Variants in TRIM50 observed in about 807,000 individuals in gnomAD.
TRIM50 encodes the protein tripartite motif containing 50, also known as E3 ubiquitin-protein ligase TRIM50.
TRIM50 carries 34 observed loss-of-function variants against 44.9 expected under a neutral mutation model. The ratio of observed to expected loss-of-function variants is 0.76; its 90% confidence interval spans 0.58 to 1.01. The LOEUF (loss-of-function observed/expected upper bound fraction) is 1.01, where lower values mean the gene tolerates loss of function less well. Ranked by LOEUF, TRIM50 falls within the 50% of genes least tolerant of loss-of-function variation. TRIM50 has a pLI of 0.00. For missense variants in TRIM50, 633 were observed against 663.7 expected (o/e 0.95, Z 0.51); for synonymous variants, 307 against 291.1 (o/e 1.05, Z -0.56).
chr7:73,317,111 T>TCATGCATGCCATGACCA (rs1236996437), intron 5 of TRIM50, among the ~76,000 whole-genome samples: 1 of 151,972 alleles, frequency 6.6e-6, no homozygotes, highest in African/African-American at 2.4e-5. Flanking sequence ...TGGAGTGCAG[T>TCATGCATGCCATGACCA]GGCATGATTT....
rs1804570771 is a variant in TRIM50, at chr7:73,324,486, T to C, written c.302A>G (p.Glu101Gly). 25 of 1,613,654 alleles carry C rather than the reference T, an allele frequency of 1.5e-5. No homozygotes were observed. The highest frequency in any genetic ancestry group is 2.1e-5 in the Non-Finnish European group (25 of 1,180,004). The change falls in exon 2 of 7, where the codon GAG becomes GGG. Residue 101 changes from glutamate to glycine, a missense_variant. Coordinates refer to ENST00000333149, the MANE Select transcript of TRIM50 (RefSeq NM_178125.3). ...HHRNPLSLFC[E>G]KDQELICGLC... ...GCCACAGATGAGCTCCTGGTCCTTC[T>C]CGCAGAAAAGGCTGAGCGGGTTCCG...
At chr7:73,326,759 C>T (rs1438910532) in intron 1 of TRIM50, among the ~76,000 whole-genome samples, 10 of 151,824 alleles carry the variant, frequency 6.6e-5, no homozygotes, top group African/African-American at 1.2e-4. Flanking sequence ...AGTCTTTCAA[C>T]GTTTAGAAAT....
In TRIM50 at chr7:73,313,066, T is replaced by C; in HGVS notation, c.1319A>G (p.Tyr440Cys). The change falls in exon 7 of 7, where the codon TAC becomes TGC. Residue 440 changes from tyrosine (Y) to cysteine (C), a missense_variant. Coordinates refer to ENST00000333149, the MANE Select transcript of TRIM50 (RefSeq NM_178125.3). This position sits in a 1 kb window ranked among gnomAD's most constrained non-coding sequence, Gnocchi z 4.9. ...GCCCTGGAAGTCGGCCTGGAAGGTG[T>C]AGAGCGGCCGCAGGTCATCGGGGCG... ...ADRPDDLRPL[Y>C]TFQADFQGKL... is the part of the protein sequence containing the mutation. 1 of 1,586,406 alleles carries C rather than the reference T, an allele frequency of 6.3e-7. No individual in the cohort carries two copies. Among genetic ancestry groups the C allele is most frequent in the Non-Finnish European group, 8.6e-7 (1 of 1,166,816 alleles).
Position 73,313,167 on chromosome 7 carries a change from G to T in TRIM50, c.1218C>A (p.Pro406=). The change falls in exon 7 of 7, where the codon CCC becomes CCA. Residue 406 remains proline (P), a synonymous_variant. Coordinates refer to ENST00000333149, the MANE Select transcript of TRIM50 (RefSeq NM_178125.3). This position sits in a 1 kb window ranked among gnomAD's most constrained non-coding sequence, Gnocchi z 4.9. The stretch of plus-strand genomic sequence containing the variant: ...CGATGCGGTGGGGGTGGCCGGCCAC[G>T]GGCAGGGGTACCCGGGGGCAGGCAA... ...EAFACPRVPL[P]VAGHPHRIGL... 1 of 1,588,610 alleles carries T rather than the reference G, an allele frequency of 6.3e-7. No individual in the cohort carries two copies. The highest frequency in any genetic ancestry group is 8.6e-7 in the Non-Finnish European group (1 of 1,167,894).
At chr7:73,319,191 G>A (rs374846598) in intron 3 of TRIM50, 139 bp from the exon 4 acceptor site, 226 of 1,431,310 alleles carry the variant, frequency 1.6e-4, no homozygotes, top group South Asian at 3.7e-4. Flanking sequence ...ATGGCCTGGC[G>A]CCGGGCAGGG....
At chr7:73,315,501 A>G (rs1315352617) in intron 6 of TRIM50, among the ~76,000 whole-genome samples, 3 of 152,076 alleles carry the variant, frequency 2.0e-5, no homozygotes, top group Non-Finnish European at 4.4e-5. Flanking sequence ...CTGGGCCCAC[A>G]GGCACATAAC....
chr7:73,313,370 G>C lies in TRIM50; in HGVS notation c.1015C>G (p.Leu339Val). ...PERFDYSTCV[L>V]ASRGFSCGRH... Reference sequence around the variant, plus strand: ...CCGCAGGAGAAGCCGCGGCTGGCCAGGACGCAGGTGCTGTAGTCGAAGCGC... The same window carrying C: ...CCGCAGGAGAAGCCGCGGCTGGCCACGACGCAGGTGCTGTAGTCGAAGCGC... The change falls in exon 7 of 7, where the codon CTG becomes GTG. Residue 339 changes from leucine (L) to valine (V), a missense_variant. By Grantham distance (32) the Leu-to-Val change is conservative (BLOSUM62 1). Transcript: ENST00000333149. The surrounding 1 kb of genome is among the most constrained non-coding windows in gnomAD (Gnocchi z 4.9). The C allele has an allele frequency of 1.3e-6, 2 of 1,595,426 alleles. No homozygotes were observed. Among genetic ancestry groups the C allele is most frequent in the Non-Finnish European group, 1.7e-6 (2 of 1,172,616 alleles).
In TRIM50 at chr7:73,316,325, C is replaced by T. The variant is rs544727500; in HGVS notation, c.874+240G>A. ...CTGGCCGGGTGGGTGCAAATAGCCCCACTTTACAGATGAGGAACCTGGGCT... is the reference window on the plus strand; with the variant it reads ...CTGGCCGGGTGGGTGCAAATAGCCCTACTTTACAGATGAGGAACCTGGGCT... On this transcript the variant is annotated intron_variant, in intron 6 of 6. Transcript: ENST00000333149. 2.0e-5 allele frequency among the ~76,000 whole-genome samples: 3 copies of T among 152,330 alleles called. No individual in the cohort carries two copies. In the South Asian group the frequency reaches 6.2e-4, roughly 32 times the overall value.
At chr7:73,325,237 G>A (rs1554545849) in intron 1 of TRIM50, among the ~76,000 whole-genome samples, 1 of 152,138 alleles carries the variant, frequency 6.6e-6, no homozygotes, top group African/African-American at 2.4e-5. Flanking sequence ...ACTGTTGAAA[G>A]CATAGGTGTA....
At chr7:73,324,826 C>G in intron 1 of TRIM50, 21 bp from the exon 2 acceptor site, 1 of 1,612,148 alleles carries the variant, frequency 6.2e-7, no homozygotes, top group Admixed American at 1.7e-5. Flanking sequence ...GGCATCCGAC[C>G]TCAGTCCTGT....
At position 73,324,506 on chromosome 7, in the gene TRIM50, G is replaced by A. The variant is rs782783549; in HGVS notation, c.282C>T (p.Asn94=). 49 of 1,613,824 alleles carry A rather than the reference G, an allele frequency of 3.0e-5. No individual in the cohort carries two copies. Among genetic ancestry groups the A allele is most frequent in the Non-Finnish European group, 3.7e-5 (44 of 1,180,036 alleles). The part of the protein sequence containing the change: ...PEPKVCVHHR[N]PLSLFCEKDQ... The stretch of plus-strand genomic sequence containing the variant: ...CCTTCTCGCAGAAAAGGCTGAGCGG[G>A]TTCCGGTGGTGCACGCAGACCTTGG... The change falls in exon 2 of 7, where the codon AAC becomes AAT. Residue 94 remains asparagine (N), a synonymous_variant. Transcript: ENST00000333149.
intron 6 of TRIM50, among the ~76,000 whole-genome samples, chr7:73,316,278 G>A (rs1285962011): frequency 6.6e-6 from 1 of 152,218 alleles, no homozygotes; most frequent in Non-Finnish European, 1.5e-5. Context: ...ACACACGTAT[G>A]TCTATATACA....
In TRIM50 at chr7:73,313,336, T is replaced by G; in HGVS notation, c.1049A>C (p.Tyr350Ser). 1 of 1,605,534 alleles carries G rather than the reference T, an allele frequency of 6.2e-7. No individual in the cohort carries two copies. The highest frequency in any genetic ancestry group is 8.5e-7 in the Non-Finnish European group (1 of 1,177,010). Residue 350 changes from tyrosine to serine, a missense_variant, in exon 7 of 7, where the codon TAC becomes TCC. Transcript: ENST00000333149. This position sits in a 1 kb window ranked among gnomAD's most constrained non-coding sequence, Gnocchi z 4.9. ...CTTGCTGCCCACCACCACCTCCCAGTAGTGGCGGCCGCAGGAGAAGCCGCG... is the reference window on the plus strand; with the variant it reads ...CTTGCTGCCCACCACCACCTCCCAGGAGTGGCGGCCGCAGGAGAAGCCGCG... ...ASRGFSCGRH[Y>S]WEVVVGSKSD...
At chr7:73,316,404 G>C (rs1804358995) in intron 6 of TRIM50, among the ~76,000 whole-genome samples, 161 bp downstream of exon 6, 1 of 152,012 alleles carries the variant, frequency 6.6e-6, no homozygotes, top group Non-Finnish European at 1.5e-5. Context: ...GAGTAAGCAG[G>C]AACCCAAGCT....
intron 1 of TRIM50, among the ~76,000 whole-genome samples, chr7:73,327,092 G>C (rs1341832763): frequency 1.3e-5 from 2 of 152,108 alleles, no homozygotes; most frequent in African/African-American, 4.8e-5. Context: ...CGCCTGTCCT[G>C]TTATACAGTT....
At chr7:73,314,075 T>G in intron 6 of TRIM50, 2 of 295,768 alleles carry the variant, frequency 6.8e-6, no homozygotes, top group East Asian at 9.2e-5. Context: ...TGCTCCCCCC[T>G]GCCCGCCTCC....
chr7:73,314,402 C>T, intron 6 of TRIM50: 1 of 424,044 alleles, frequency 2.4e-6, no homozygotes, highest in Non-Finnish European at 4.5e-6. Flanking sequence ...TAAGCTGGCC[C>T]AGAAGTACAG....
intron 5 of TRIM50, among the ~76,000 whole-genome samples, chr7:73,318,179 C>T (rs1804403602): frequency 6.6e-6 from 1 of 152,184 alleles, no homozygotes; most frequent in Non-Finnish European, 1.5e-5. Flanking sequence ...CAGGCTGGAT[C>T]ATGCAGTAGC....
At position 73,320,850 on chromosome 7, in the gene TRIM50, C is replaced by G. The variant is rs527608761; in HGVS notation, c.400-608G>C. 2.7e-5 allele frequency among the ~76,000 whole-genome samples: 4 copies of G among 148,848 alleles called. No individual in the cohort carries two copies. The East Asian group carries it at 8.1e-4, about 30-fold the overall frequency. On this transcript the variant is annotated intron_variant, in intron 2 of 6. Transcript: ENST00000333149. ...CGAGACCAGCCTCAACATGGAGAAA[C>G]CCTGTCTCTACTAAAAATACAAAAT...
Sources: gnomAD v4.1 joint callset for allele counts (sites outside exome capture counted in the v4.1 genomes callset) on GRCh38, gnomAD v4.1.1 for gene constraint, Gnocchi (gnomAD v3.1) non-coding constraint, MANE v1.5 for transcripts, NCBI Gene and HGNC (gene_info 2026-07-23, HGNC 2026-07-21) for gene names.